The following TMEM132C variants were observed in gnomAD, a reference collection of about 807,000 sequenced individuals.
TMEM132C encodes protein phosphatase 1, regulatory subunit 152.
In TMEM132C, 29 loss-of-function variants were observed where a neutral mutation model predicts 61.4. The observed-to-expected ratio is 0.47, with a 90% CI of 0.35 to 0.64. The LOEUF (loss-of-function observed/expected upper bound fraction) is 0.64, where lower values mean the gene tolerates loss of function less well. TMEM132C is among the 30% of genes least tolerant of loss of function. The pLI is 0.00. For missense variants in TMEM132C, 1,408 were observed against 1,476.9 expected, an observed-to-expected ratio of 0.95 and a Z score of 0.76; for synonymous variants, 656 against 633.1, an observed-to-expected ratio of 1.04 and a Z score of -0.54.
At chr12:128,661,816 A>G (rs1368449590) in intron 4 of TMEM132C, among the ~76,000 whole-genome samples, 11 of 152,270 alleles carry the variant, frequency 7.2e-5, no homozygotes. Context: ...GAGTGTTTTG[A>G]AAAACAAAAC....
chr12:128,525,750 C>T (rs1206970037), intron 2 of TMEM132C, among the ~76,000 whole-genome samples: 1 of 152,196 alleles, frequency 6.6e-6, no homozygotes, highest in East Asian at 1.9e-4. Flanking sequence ...GAGCTGTTAG[C>T]CCTGGGGATG....
intron 3 of TMEM132C, among the ~76,000 whole-genome samples, chr12:128,595,422 G>C (rs1875909631): frequency 6.6e-6 from 1 of 152,208 alleles, no homozygotes; most frequent in Non-Finnish European, 1.5e-5. Context: ...AGGCACAGCA[G>C]GGAGATCATC....
At chr12:128,508,871 G>A (rs1434249778) in intron 2 of TMEM132C, among the ~76,000 whole-genome samples, 2 of 152,146 alleles carry the variant, frequency 1.3e-5, no homozygotes, top group East Asian at 3.9e-4. Context: ...GTCATGTCAT[G>A]TCGTGTCATG....
At chr12:128,449,791 T>G (rs2136056427) in intron 2 of TMEM132C, among the ~76,000 whole-genome samples, 1 of 152,346 alleles carries the variant, frequency 6.6e-6, no homozygotes, top group East Asian at 1.9e-4. Flanking sequence ...TAAATAAAGC[T>G]GCTGCTTCCC....
chr12:128,399,584 C>T (rs1181039056), intron 1 of TMEM132C, among the ~76,000 whole-genome samples: 2 of 152,068 alleles, frequency 1.3e-5, no homozygotes, highest in African/African-American at 4.8e-5. Flanking sequence ...ACCATGTTTA[C>T]ATTTTCAATC....
At chr12:128,483,705 G>T (rs1041192362) in intron 2 of TMEM132C, among the ~76,000 whole-genome samples, 3 of 152,162 alleles carry the variant, frequency 2.0e-5, no homozygotes, top group African/African-American at 7.2e-5. Flanking sequence ...GCTCTTCAGA[G>T]CCCCGTGGGA....
chr12:128,284,508 G>A (rs1252365128), intron 1 of TMEM132C, among the ~76,000 whole-genome samples: 2 of 152,212 alleles, frequency 1.3e-5, no homozygotes, highest in African/African-American at 4.8e-5. Context: ...CACACTGTGA[G>A]TGCCCTCAAG....
chr12:128,545,720 CA>C (rs2136150553), intron 3 of TMEM132C, among the ~76,000 whole-genome samples: 1 of 152,248 alleles, frequency 6.6e-6, no homozygotes, highest in East Asian at 1.9e-4. Flanking sequence ...TAATATGGAA[CA>C]TTTTTTTCAT....
intron 2 of TMEM132C, among the ~76,000 whole-genome samples, chr12:128,480,517 A>G (rs1441715868): frequency 6.6e-6 from 1 of 152,198 alleles, no homozygotes; most frequent in Non-Finnish European, 1.5e-5. Flanking sequence ...AAGCCAGCCC[A>G]TGCGGGAGCT....
chr12:128,582,673 C>T (rs1024971902), intron 3 of TMEM132C, among the ~76,000 whole-genome samples: 9 of 152,094 alleles, frequency 5.9e-5, no homozygotes, highest in Non-Finnish European at 1.3e-4. Flanking sequence ...CTCTTGCCAC[C>T]GCCATGTAAA....
At chr12:128,480,639 T>C (rs1334235163) in intron 2 of TMEM132C, among the ~76,000 whole-genome samples, 1 of 151,884 alleles carries the variant, frequency 6.6e-6, no homozygotes, top group Non-Finnish European at 1.5e-5. Flanking sequence ...GAGGACCGCG[T>C]CAGAGCTGAA....
At chr12:128,696,135 A>G (rs1954761674) in intron 7 of TMEM132C, 32 bp downstream of exon 7, 1 of 1,543,050 alleles carries the variant, frequency 6.5e-7, no homozygotes, top group Admixed American at 2.0e-5. Flanking sequence ...TGTCCCCAGC[A>G]CTGGGCATGT....
chr12:128,451,871 G>A (rs539864067), intron 2 of TMEM132C, among the ~76,000 whole-genome samples: 20 of 152,126 alleles, frequency 1.3e-4, no homozygotes, highest in African/African-American at 4.6e-4. Context: ...GACAAAAAAA[G>A]GGACCCAGTG....
chr12:128,523,917 G>T (rs1226448377), intron 2 of TMEM132C, among the ~76,000 whole-genome samples: 1 of 151,840 alleles, frequency 6.6e-6, no homozygotes, highest in Non-Finnish European at 1.5e-5. Context: ...GGAGGCTGAG[G>T]TGGGAGGATT....
At chr12:128,296,701 G>C (rs1249917996) in intron 1 of TMEM132C, among the ~76,000 whole-genome samples, 1 of 152,154 alleles carries the variant, frequency 6.6e-6, no homozygotes, top group Non-Finnish European at 1.5e-5. Flanking sequence ...CCTCCGTCAG[G>C]TTCATGACTG....
At chr12:128,544,284 G>A (rs1376494391) in intron 3 of TMEM132C, among the ~76,000 whole-genome samples, 181 bp downstream of exon 3, 3 of 152,262 alleles carry the variant, frequency 2.0e-5, no homozygotes, top group African/African-American at 4.8e-5. Flanking sequence ...GCAGCAGGGC[G>A]GGGTGGGGCG....
chr12:128,274,891 A>G (rs908095544), intron 1 of TMEM132C, among the ~76,000 whole-genome samples: 4 of 148,862 alleles, frequency 2.7e-5, no homozygotes, highest in East Asian at 4.2e-4. Context: ...AGGTGATTCT[A>G]ACTCTCAGGG....
chr12:128,379,075 G>C (rs1054346998), intron 1 of TMEM132C, among the ~76,000 whole-genome samples: 1 of 152,202 alleles, frequency 6.6e-6, no homozygotes, highest in South Asian at 2.1e-4. Flanking sequence ...AAATGGCCCA[G>C]TCTTTGGTTT....
intron 2 of TMEM132C, among the ~76,000 whole-genome samples, chr12:128,458,267 TATA>T (rs1353980186): frequency 2.0e-5 from 2 of 99,264 alleles, no homozygotes; most frequent in Admixed American, 2.4e-4. Flanking sequence ...ATTATAATTA[TATA>T]ATTATAATAT....
Sources: allele counts gnomAD v4.1 joint callset (sites outside exome capture counted in the v4.1 genomes callset), GRCh38; gene constraint gnomAD v4.1.1; transcripts MANE v1.5; gene names NCBI Gene and HGNC (gene_info 2026-07-23, HGNC 2026-07-21).